The following PTPRN2 variants were observed in gnomAD, a reference collection of about 807,000 sequenced individuals.
PTPRN2 encodes receptor-type tyrosine-protein phosphatase N2.
A neutral mutation model predicts 118.8 loss-of-function variants in PTPRN2; 74 were observed. The observed-to-expected ratio is 0.62, with a 90% CI of 0.52 to 0.76. The LOEUF is 0.76. Among genes scored for constraint, PTPRN2 ranks in the 30% least tolerant of loss-of-function variants. PTPRN2 has a pLI of 0.00. For missense variants in PTPRN2, 1,481 were observed against 1,394.4 expected (o/e 1.06, Z -0.99); for synonymous variants, 641 against 608.0 (o/e 1.05, Z -0.80).
rs1818067732 is a variant in PTPRN2, at chr7:158,451,052, G to C, written c.163+38683C>G. On this transcript the variant is annotated intron_variant, in intron 2 of 22. Transcript: ENST00000389418. ...CGGTTTTTGCCCGTCTAGTAGGGGA[G>C]CTGCTGAATTTCATACGGCTTCCGT... is the stretch of plus-strand genomic sequence containing the variant. Among the ~76,000 whole-genome samples the C allele has an allele frequency of 1.3e-5, 2 of 152,210 alleles. 1 individual carries two copies. The highest frequency in any genetic ancestry group is 2.9e-5 in the Non-Finnish European group (2 of 68,050).
chr7:157,880,492 C>T (rs1796048429), intron 12 of PTPRN2, among the ~76,000 whole-genome samples: 1 of 152,236 alleles, frequency 6.6e-6, no homozygotes, highest in Non-Finnish European at 1.5e-5. Flanking sequence ...TCTTGGTCAT[C>T]ATGTGGCGTT....
chr7:157,775,315 T>C (rs974376186), intron 12 of PTPRN2, among the ~76,000 whole-genome samples: 4 of 152,160 alleles, frequency 2.6e-5, no homozygotes, highest in African/African-American at 9.7e-5. Context: ...CCACCCAAAT[T>C]CATGAGCCGC....
Position 157,671,507 on chromosome 7 carries a change from C to A in PTPRN2, c.2001+11218G>T, listed in dbSNP as rs1402373282. Reference sequence around the variant, plus strand: ...AGGGCTGGACAGATGGGAGGGTCTGCAGGGATAAAGTGGGAGGGGGGGCGG... The same window carrying A: ...AGGGCTGGACAGATGGGAGGGTCTGAAGGGATAAAGTGGGAGGGGGGGCGG... On this transcript the variant is annotated intron_variant, in intron 13 of 22. Transcript: ENST00000389418. The surrounding 1 kb of genome is among the most constrained non-coding windows in gnomAD (Gnocchi z 4.1). Among the ~76,000 whole-genome samples, 1 of 149,852 alleles carries A rather than the reference C, an allele frequency of 6.7e-6. No individual in the cohort carries two copies. The highest frequency in any genetic ancestry group is 2.5e-5 in the African/African-American group (1 of 39,954).
chr7:158,409,970 G>A (rs957979837), intron 2 of PTPRN2, among the ~76,000 whole-genome samples: 1 of 152,180 alleles, frequency 6.6e-6, no homozygotes, highest in Non-Finnish European at 1.5e-5. Flanking sequence ...AAGATGGGGT[G>A]TGCCCCCACA....
In PTPRN2 at chr7:158,141,954, G is replaced by A. The variant is rs80332916; in HGVS notation, c.911-3439C>T. On this transcript the variant is annotated intron_variant, in intron 6 of 22. Coordinates refer to ENST00000389418, the MANE Select transcript of PTPRN2 (RefSeq NM_002847.5). ...AGCGTGCTGGGCGTTCACTGCCACC[G>A]ATGTCCCCTGCTGGGGTGGCCGAGT... Among the ~76,000 whole-genome samples, 1,375 of 152,322 alleles carry A rather than the reference G, an allele frequency of 9.0e-3. 26 individuals are homozygous for A. Among genetic ancestry groups the A allele is most frequent in the African/African-American group, 0.031 (1,278 of 41,580 alleles).
At chr7:157,682,079 A>G (rs1305267238) in intron 13 of PTPRN2, among the ~76,000 whole-genome samples, 1 of 152,218 alleles carries the variant, frequency 6.6e-6, no homozygotes, top group Non-Finnish European at 1.5e-5. Flanking sequence ...CTAAATACGA[A>G]ATGTGCGCCA....
chr7:157,752,624 C>G (rs1366458986), intron 12 of PTPRN2, among the ~76,000 whole-genome samples: 1 of 152,250 alleles, frequency 6.6e-6, no homozygotes, highest in African/African-American at 2.4e-5. Context: ...CAGCCACAAG[C>G]TCCCACCTAA....
At chr7:157,661,809 C>A (rs555845227) in intron 13 of PTPRN2, among the ~76,000 whole-genome samples, 196 of 152,278 alleles carry the variant, frequency 1.3e-3, no homozygotes, top group African/African-American at 4.5e-3. Context: ...CGTGGCTCCC[C>A]GGAGGCACCA....
intron 11 of PTPRN2, among the ~76,000 whole-genome samples, chr7:157,952,660 T>C (rs543410597): frequency 1.3e-5 from 2 of 152,124 alleles, no homozygotes; most frequent in East Asian, 3.9e-4. Context: ...GTATCTCTAG[T>C]AAATGTTTCC....
At chr7:157,768,692 T>A (rs1411272111) in intron 12 of PTPRN2, among the ~76,000 whole-genome samples, 1 of 152,240 alleles carries the variant, frequency 6.6e-6, no homozygotes, top group Non-Finnish European at 1.5e-5. Flanking sequence ...GAAAAATCAT[T>A]TGGAAATCAC....
At chr7:157,605,065 G>A (rs1196010639) in intron 15 of PTPRN2, among the ~76,000 whole-genome samples, 1 of 152,140 alleles carries the variant, frequency 6.6e-6, no homozygotes, top group Non-Finnish European at 1.5e-5. Flanking sequence ...GGCCGGTGGC[G>A]CCTTTGCCCA....
At chr7:158,147,434 G>C (rs1462441584) in intron 6 of PTPRN2, among the ~76,000 whole-genome samples, 4 of 60,784 alleles carry the variant, frequency 6.6e-5, no homozygotes, top group Admixed American at 2.0e-4. Context: ...CATGCCACAC[G>C]TCTTTCCCCC....
At chr7:158,377,371 T>C (rs1397815358) in intron 2 of PTPRN2, among the ~76,000 whole-genome samples, 2 of 152,236 alleles carry the variant, frequency 1.3e-5, no homozygotes, top group African/African-American at 2.4e-5. Flanking sequence ...CCATGTGTTA[T>C]GGAAAAATAG....
chr7:157,922,092 A>C (rs1451715100), intron 11 of PTPRN2, among the ~76,000 whole-genome samples: 2 of 152,252 alleles, frequency 1.3e-5, no homozygotes, highest in Admixed American at 1.3e-4. Flanking sequence ...TGAAGTGCAG[A>C]TGTCCCTGGT....
At chr7:158,075,500 C>T (rs561921624) in intron 11 of PTPRN2, among the ~76,000 whole-genome samples, 1 of 152,188 alleles carries the variant, frequency 6.6e-6, no homozygotes, top group African/African-American at 2.4e-5. Context: ...CCCTCCCCGC[C>T]CCCAACGCAG....
rs1810237063 is a variant in PTPRN2 at position 157,861,490 on chromosome 7, G to A, written c.1788+37183C>T. ...GGACATGCTGGCCCGCCCTCCCTGA[G>A]TCTTGCAGGGCCCAGCCGCTGTGCC... On this transcript the variant is annotated intron_variant, in intron 12 of 22. Transcript: ENST00000389418. The surrounding 1 kb of genome is among the most constrained non-coding windows in gnomAD (Gnocchi z 5.8). Among the ~76,000 whole-genome samples, 1 of 152,228 alleles carries A rather than the reference G, an allele frequency of 6.6e-6. No individual in the cohort carries two copies. Among genetic ancestry groups the A allele is most frequent in the African/African-American group, 2.4e-5 (1 of 41,466 alleles).
intron 2 of PTPRN2, among the ~76,000 whole-genome samples, chr7:158,442,497 A>G (rs1418326932): frequency 6.6e-6 from 1 of 152,148 alleles, no homozygotes; most frequent in African/African-American, 2.4e-5. Flanking sequence ...ACGTATCAGT[A>G]TTCAACAGTG....
intron 14 of PTPRN2, among the ~76,000 whole-genome samples, chr7:157,648,884 C>T (rs566618660): frequency 4.5e-4 from 53 of 118,228 alleles, no homozygotes; most frequent in African/African-American, 6.1e-4. Flanking sequence ...ACCCATCCAG[C>T]GTGCACTGAA....
intron 3 of PTPRN2, among the ~76,000 whole-genome samples, chr7:158,287,760 T>C (rs958183898): frequency 1.3e-5 from 2 of 152,162 alleles, no homozygotes; most frequent in South Asian, 2.1e-4. Flanking sequence ...GAGAATGTTC[T>C]CTGTGTTTCA....
Sources: gnomAD v4.1 joint callset for allele counts (sites outside exome capture counted in the v4.1 genomes callset) on GRCh38, gnomAD v4.1.1 for gene constraint, Gnocchi (gnomAD v3.1) non-coding constraint, MANE v1.5 for transcripts, NCBI Gene and HGNC (gene_info 2026-07-23, HGNC 2026-07-21) for gene names.